CYP2D6: variants seen among roughly 807,000 people sequenced by gnomAD.
The protein encoded by CYP2D6 is cytochrome P450 family 2 subfamily D member 6 (gene/pseudogene).
Under a neutral mutation model 43.5 loss-of-function variants are expected in CYP2D6, and 51 were observed. The observed-to-expected ratio is 1.17, with a 90% CI of 0.94 to 1.48. CYP2D6 has a LOEUF of 1.48. Among genes scored for constraint, CYP2D6 ranks in the 40% most tolerant of loss-of-function variants. The probability of loss-of-function intolerance (pLI) is 0.00; values close to 1 mark genes in which losing one functional copy is unlikely to be tolerated. For synonymous variants in CYP2D6, 346 were observed against 297.1 expected (o/e 1.16, Z -1.69); for missense variants, 698 against 688.0 (o/e 1.01, Z -0.16).
At chr22:42,129,241 ACCACCCACT>A in intron 2 of CYP2D6, 56 bp from the exon 3 acceptor site, 1 of 1,576,394 alleles carries the variant, frequency 6.3e-7, no homozygotes, top group Non-Finnish European at 8.6e-7. Flanking sequence ...CCCACCATCC[ACCACCCACT>A]CCAACCCTAT....
intron 2 of CYP2D6, 197 bp from the exon 3 acceptor site, chr22:42,129,382 C>T (rs886607240): frequency 2.3e-6 from 2 of 868,834 alleles, no homozygotes; most frequent in Admixed American, 4.0e-5. Flanking sequence ...TCTGCCCACC[C>T]TGACCGCCTT....
chr22:42,129,795 C>T lies in CYP2D6; in HGVS notation c.295G>A (p.Ala99Thr), dbSNP rs746115614. The T allele has an allele frequency of 1.4e-5, 22 of 1,607,230 alleles. 1 individual carries two copies. Among genetic ancestry groups the T allele is most frequent in the Non-Finnish European group, 1.9e-5 (22 of 1,177,548 alleles). ...GTGATGGGCACAGGCGGGCGGTCGG[C>T]GGTGTCCTCGCCGTGGGTCACCAGC... ...EALVTHGEDTADRPPVPITQI... is the reference protein window; with the variant it reads ...EALVTHGEDTTDRPPVPITQI... The change falls in exon 2 of 9, where the codon GCC (alanine) becomes ACC (threonine). Residue 99 changes from alanine (A) to threonine (T), a missense_variant. Coordinates refer to ENST00000645361, the MANE Select transcript of CYP2D6 (RefSeq NM_000106.6).
intron 1 of CYP2D6, chr22:42,130,347 C>A: frequency 1.7e-6 from 1 of 579,422 alleles, no homozygotes. Context: ...ACTTTGTACT[C>A]CATAACATAT....
Position 42,129,779 on chromosome 22 carries a change from A to T in CYP2D6, c.311T>A (p.Val104Glu), listed in dbSNP as rs76187628. 66 of 1,608,808 alleles carry T rather than the reference A, an allele frequency of 4.1e-5. 2 individuals carry two copies. The highest frequency in any genetic ancestry group is 5.0e-5 in the Non-Finnish European group (59 of 1,177,962). Residue 104 changes from valine (V) to glutamate (E), a missense_variant, in exon 2 of 9, where the codon GTG becomes GAG. Physicochemically the swap from Val to Glu is moderately radical, Grantham distance 121. Around this residue, in one of 5 missense-constraint regions of CYP2D6, gnomAD observed 588 missense variants for 521.1 expected, o/e 1.13. Coordinates refer to ENST00000645361, the MANE Select transcript of CYP2D6 (RefSeq NM_000106.6). ...GAAACCCAGGATCTGGGTGATGGGC[A>T]CAGGCGGGCGGTCGGCGGTGTCCTC... is the stretch of plus-strand genomic sequence containing the variant. ...HGEDTADRPP[V>E]PITQILGFGP...
chr22:42,129,307 A>T (rs1931612632), intron 2 of CYP2D6, 122 bp from the exon 3 acceptor site: 1 of 1,289,492 alleles, frequency 7.8e-7, no homozygotes, highest in African/African-American at 1.5e-5. Flanking sequence ...AGCTGGTCAC[A>T]GGGCCCACTC....
At chr22:42,129,610 G>A in intron 2 of CYP2D6, 128 bp downstream of exon 2, 2 of 1,292,260 alleles carry the variant, frequency 1.5e-6, no homozygotes, top group Non-Finnish European at 1.1e-6. Flanking sequence ...GTGGTTTCTT[G>A]GCCCGCTGTC....
chr22:42,127,658 A>C (rs1295839768), intron 6 of CYP2D6, 24 bp from the exon 7 acceptor site: 2 of 1,607,454 alleles, frequency 1.2e-6, no homozygotes, highest in Non-Finnish European at 1.7e-6. Context: ...CGTCCCCACA[A>C]TGGGTCAGCA....
rs1365880885 is a variant in CYP2D6 at position 42,127,483 on chromosome 22, G to A, written c.1137C>T (p.Ser379=). ...GGAAGCCCTGTACTTCGATGTCACG[G>A]GATGTCATATGGGTCACACCCAGGG... ...IVPLGVTHMT[S]RDIEVQGFRI... is the part of the protein sequence containing the mutation. Residue 379 remains serine (S), a synonymous_variant, in exon 7 of 9, where the codon TCC becomes TCT. Coordinates refer to ENST00000645361, the MANE Select transcript of CYP2D6 (RefSeq NM_000106.6). 2 of 1,611,396 alleles carry A rather than the reference G, an allele frequency of 1.2e-6. No homozygotes were observed. Among genetic ancestry groups the A allele is most frequent in the African/African-American group, 1.3e-5 (1 of 74,676 alleles).
chr22:42,126,584 A>G lies in CYP2D6; in HGVS notation c.1484T>C (p.Val495Ala), dbSNP rs566833518. The G allele has an allele frequency of 4.8e-5, 76 of 1,589,476 alleles. 1 individual carries two copies. In the South Asian group the frequency reaches 8.0e-4, roughly 17 times the overall value. ...ACTAGGTACCCCATTCTAGCGGGGC[A>G]CAGCACAAAGCTCATAGGGGGATGG... ...VSPSPYELCA[V>A]PR The change falls in exon 9 of 9, where the codon GTG (valine) becomes GCG (alanine). Residue 495 changes from valine to alanine, a missense_variant. Coordinates refer to ENST00000645361, the MANE Select transcript of CYP2D6 (RefSeq NM_000106.6).
rs537872336 is a variant in CYP2D6, at chr22:42,129,359, G to A, written c.353-174C>T. 1.5e-4 allele frequency: 148 copies of A among 972,246 alleles called. 4 individuals are homozygous for A. In the East Asian group the frequency reaches 2.5e-3, roughly 17 times the overall value. 60.2% of individuals were successfully genotyped at this position (972,246 alleles called of 1,614,324 possible). On this transcript the variant is annotated intron_variant, in intron 2 of 8. Coordinates refer to ENST00000645361, the MANE Select transcript of CYP2D6 (RefSeq NM_000106.6). ...GCTCCCTTGGCTGGGGCAGGGCTTT[G>A]CCCCACCTCGTCTCTGCCCACCCTG...
chr22:42,129,298 G>T, intron 2 of CYP2D6, 113 bp from the exon 3 acceptor site: 1 of 1,353,310 alleles, frequency 7.4e-7, no homozygotes, highest in Non-Finnish European at 1.0e-6. Context: ...GCTCTGTCCA[G>T]CTGGTCACAG....
rs753911276 is a variant in CYP2D6 at position 42,129,186 on chromosome 22, C to CTGGGGGTGGGACGGGCACG, written c.353-20_353-2dup. The CTGGGGGTGGGACGGGCACG allele has an allele frequency of 1.0e-5, 16 of 1,603,626 alleles. No homozygotes were observed. In the South Asian group the frequency reaches 1.8e-4, roughly 18 times the overall value. On this transcript the variant is annotated splice_acceptor_variant, in intron 2 of 8. Coordinates refer to ENST00000645361, the MANE Select transcript of CYP2D6 (RefSeq NM_000106.6). LOFTEE classifies it high-confidence loss of function. Reference sequence around the variant, plus strand: ...GGCCCATAGCGCGCCAGGAACACCCCTGGGGGTGGGACGGGCACGTGCGCG... The same window carrying CTGGGGGTGGGACGGGCACG: ...GGCCCATAGCGCGCCAGGAACACCCCTGGGGGTGGGACGGGCACGTGGGGGTGGGACGGGCACGTGCGCG...
At chr22:42,129,233 C>A (rs751868209) in intron 2 of CYP2D6, 48 bp from the exon 3 acceptor site, 3 of 1,582,496 alleles carry the variant, frequency 1.9e-6, no homozygotes, top group East Asian at 4.5e-5. Context: ...GCATTAGCCC[C>A]ACCATCCACC....
At chr22:42,128,043 T>A (rs918916795) in intron 5 of CYP2D6, 60 bp from the exon 6 acceptor site, 6 of 1,607,660 alleles carry the variant, frequency 3.7e-6, no homozygotes, top group African/African-American at 2.7e-5. Flanking sequence ...TGACCTCCAA[T>A]TCTGCACCTG....
intron 2 of CYP2D6, chr22:42,129,484 C>A (rs550962597): frequency 4.1e-6 from 3 of 724,562 alleles, no homozygotes; most frequent in East Asian, 5.3e-5. Context: ...ACACCGGATT[C>A]CAGCTGGGAA....
At chr22:42,129,269 T>TG in intron 2 of CYP2D6, 84 bp from the exon 3 acceptor site, 1 of 1,505,694 alleles carries the variant, frequency 6.6e-7, no homozygotes, top group Non-Finnish European at 9.0e-7. Context: ...ATGCTCCCCC[T>TG]GGTCTCCCGC....
In CYP2D6 at chr22:42,128,315, T is replaced by TGGGATATGCAGGAGGACG. The variant is rs1931311853; in HGVS notation, c.684_701dup (p.Val229_Pro234dup). The stretch of plus-strand genomic sequence containing the variant: ...AGCGTAGGACCTTGCCAGCCAGCGC[T>TGGGATATGCAGGAGGACG]GGGATATGCAGGAGGACGGGGACAG... On this transcript the variant is annotated inframe_insertion, in exon 5 of 9. Transcript: ENST00000645361. 1.9e-6 allele frequency: 3 copies of TGGGATATGCAGGAGGACG among 1,610,558 alleles called. No homozygotes were observed. The highest frequency in any genetic ancestry group is 2.5e-6 in the Non-Finnish European group (3 of 1,178,000).
chr22:42,129,814 C>T lies in CYP2D6; in HGVS notation c.276G>A (p.Val92=), dbSNP rs2146941313. 1.2e-6 allele frequency: 2 copies of T among 1,604,798 alleles called. No individual in the cohort carries two copies. The highest frequency in any genetic ancestry group is 1.3e-5 in the African/African-American group (1 of 74,288). ...GGTCGGCGGTGTCCTCGCCGTGGGTCACCAGCGCCTCGCGCACGGCCGCCA... is the reference window on the plus strand; with the variant it reads ...GGTCGGCGGTGTCCTCGCCGTGGGTTACCAGCGCCTCGCGCACGGCCGCCA... The part of the protein sequence containing the change: ...NGLAAVREAL[V]THGEDTADRP... Residue 92 remains valine, a synonymous_variant, in exon 2 of 9, where the codon GTG becomes GTA. Coordinates refer to ENST00000645361, the MANE Select transcript of CYP2D6 (RefSeq NM_000106.6).
chr22:42,128,106 C>T, intron 5 of CYP2D6, 68 bp downstream of exon 5: 1 of 1,580,312 alleles, frequency 6.3e-7, no homozygotes, highest in Non-Finnish European at 8.6e-7. Context: ...TTTTGCCCAG[C>T]CTCCCCTCAT....
Sources: gnomAD v4.1 joint callset for allele counts on GRCh38, gnomAD v4.1.1 for gene constraint, gnomAD v4.1.1 regional missense constraint, MANE v1.5 for transcripts, NCBI Gene and HGNC (gene_info 2026-07-23, HGNC 2026-07-21) for gene names.